STXBP4: variants seen among roughly 807,000 people sequenced by gnomAD.
STXBP4 encodes syntaxin binding protein 4.
In STXBP4, 55 loss-of-function variants were observed where a neutral mutation model predicts 76.1. The observed-to-expected ratio is 0.72, with a 90% CI of 0.58 to 0.91. The LOEUF is 0.91. Ranked by LOEUF, STXBP4 falls within the 40% of genes least tolerant of loss-of-function variation. STXBP4 has a pLI of 0.00. For missense variants in STXBP4, 618 were observed against 636.9 expected, an observed-to-expected ratio of 0.97 and a Z score of 0.32; for synonymous variants, 201 against 220.2, an observed-to-expected ratio of 0.91 and a Z score of 0.77.
At chr17:55,081,017 A>G (rs1350616881) in intron 15 of STXBP4, 33 bp from the exon 16 acceptor site, 4 of 1,417,856 alleles carry the variant, frequency 2.8e-6, no homozygotes, top group African/African-American at 3.0e-5. Context: ...TTTATTGTGT[A>G]GTAAGTTCAA....
At chr17:54,974,984 A>G (rs2077450955) in intron 1 of STXBP4, among the ~76,000 whole-genome samples, 2 of 152,216 alleles carry the variant, frequency 1.3e-5, no homozygotes, top group Non-Finnish European at 1.5e-5. Context: ...TGCCATGGCG[A>G]TAGTAAACTG....
intron 11 of STXBP4, chr17:55,044,905 G>T (rs914502663): frequency 4.7e-5 from 7 of 150,512 alleles, no homozygotes; most frequent in African/African-American, 1.7e-4. Flanking sequence ...AGCTTTTCAG[G>T]TTAATATACA....
chr17:54,972,132 C>CT (rs2077409929), intron 1 of STXBP4, among the ~76,000 whole-genome samples: 1 of 152,186 alleles, frequency 6.6e-6, no homozygotes, highest in South Asian at 2.1e-4. Flanking sequence ...ACTTCTGTTT[C>CT]TTTAAGATTG....
chr17:55,054,874 C>T lies in STXBP4; in HGVS notation c.1011+7720C>T, dbSNP rs553238252. Among the ~76,000 whole-genome samples, 46 of 152,064 alleles carry T rather than the reference C, an allele frequency of 3.0e-4. 1 individual carries two copies. Among genetic ancestry groups the T allele is most frequent in the Middle Eastern group, 6.8e-3 (2 of 294 alleles). The stretch of plus-strand genomic sequence containing the variant: ...GGGACTTTTCATAGATAAGGTGGCA[C>T]GTGAGCTGACCCAGACACAGAAAGG... On this transcript the variant is annotated intron_variant, in intron 12 of 17. Coordinates refer to ENST00000376352, the MANE Select transcript of STXBP4 (RefSeq NM_178509.6).
chr17:55,147,735 G>C (rs2080173243), intron 17 of STXBP4, among the ~76,000 whole-genome samples: 1 of 152,150 alleles, frequency 6.6e-6, no homozygotes, highest in South Asian at 2.1e-4. Context: ...TAAAACAAAA[G>C]TTTCTGTGTA....
intron 16 of STXBP4, among the ~76,000 whole-genome samples, chr17:55,110,271 T>C (rs1009654876): frequency 6.6e-6 from 1 of 152,228 alleles, no homozygotes; most frequent in African/African-American, 2.4e-5. Flanking sequence ...TATTCTTAAG[T>C]CAACTGACTA....
At chr17:55,128,223 T>C (rs1385853959) in intron 16 of STXBP4, among the ~76,000 whole-genome samples, 1 of 152,172 alleles carries the variant, frequency 6.6e-6, no homozygotes, top group African/African-American at 2.4e-5. Context: ...TGAATCTGGG[T>C]CCCATTATAC....
At position 55,034,138 on chromosome 17, in the gene STXBP4, A is replaced by G. The variant is rs781608773; in HGVS notation, c.764-30A>G. 1.3e-5 allele frequency: 21 copies of G among 1,561,602 alleles called. 1 individual carries two copies. The East Asian group carries it at 4.3e-4, about 32-fold the overall frequency. On this transcript the variant is annotated intron_variant, in intron 9 of 17. Transcript: ENST00000376352. Reference sequence around the variant, plus strand: ...TAAGATTTAGAAGGGGTTAAATGCCATGTTCTTACTTAAATGTGTTCCATT... The same window carrying G: ...TAAGATTTAGAAGGGGTTAAATGCCGTGTTCTTACTTAAATGTGTTCCATT...
chr17:55,149,393 T>A (rs1331454347), intron 17 of STXBP4, among the ~76,000 whole-genome samples: 1 of 152,236 alleles, frequency 6.6e-6, no homozygotes, highest in Non-Finnish European at 1.5e-5. Flanking sequence ...CAACCACTTT[T>A]AAGTGTGACC....
At chr17:55,090,143 G>A (rs1051016507) in intron 16 of STXBP4, among the ~76,000 whole-genome samples, 1 of 151,950 alleles carries the variant, frequency 6.6e-6, no homozygotes, top group African/African-American at 2.4e-5. Flanking sequence ...AAGACAGGCT[G>A]GGGGTAGGGG....
At chr17:55,118,485 A>G (rs1449947570) in intron 16 of STXBP4, among the ~76,000 whole-genome samples, 8 of 152,020 alleles carry the variant, frequency 5.3e-5, no homozygotes, top group Non-Finnish European at 1.2e-4. Context: ...AAAATTAAGT[A>G]TAAGTTGCCT....
At chr17:55,059,226 C>G (rs2078967604) in intron 12 of STXBP4, among the ~76,000 whole-genome samples, 1 of 152,020 alleles carries the variant, frequency 6.6e-6, no homozygotes, top group Admixed American at 6.6e-5. Context: ...CATTGTAACT[C>G]AGGCTGATTG....
intron 16 of STXBP4, among the ~76,000 whole-genome samples, chr17:55,100,937 G>A (rs998675629): frequency 1.8e-4 from 27 of 152,138 alleles, no homozygotes; most frequent in Admixed American, 2.0e-4. Flanking sequence ...ACAGTCTCCG[G>A]ATGAATCCTT....
chr17:54,997,858 G>A (rs2144473025), intron 4 of STXBP4, among the ~76,000 whole-genome samples: 1 of 150,722 alleles, frequency 6.6e-6, no homozygotes. Context: ...AAAGTGTTGG[G>A]TGTACAGATG....
intron 7 of STXBP4, among the ~76,000 whole-genome samples, chr17:55,001,447 A>G (rs1037763142): frequency 6.6e-6 from 1 of 152,178 alleles, no homozygotes; most frequent in Non-Finnish European, 1.5e-5. Flanking sequence ...AAAGATTTTT[A>G]TGTGGCTATA....
At chr17:55,142,162 A>G (rs2080101127) in intron 17 of STXBP4, among the ~76,000 whole-genome samples, 1 of 152,192 alleles carries the variant, frequency 6.6e-6, no homozygotes, top group Non-Finnish European at 1.5e-5. Context: ...TAAAGCCTGA[A>G]CAGGAATACA....
intron 3 of STXBP4, among the ~76,000 whole-genome samples, chr17:54,990,598 A>G (rs1194614611): frequency 6.6e-6 from 1 of 152,138 alleles, no homozygotes; most frequent in African/African-American, 2.4e-5. Context: ...AAAGTGCACA[A>G]GAAATGTAGT....
intron 16 of STXBP4, among the ~76,000 whole-genome samples, chr17:55,091,798 T>C (rs1372654604): frequency 1.3e-5 from 2 of 152,164 alleles, no homozygotes; most frequent in East Asian, 3.9e-4. Flanking sequence ...ACCTTTACTT[T>C]CTGATGGTTC....
intron 17 of STXBP4, among the ~76,000 whole-genome samples, chr17:55,148,900 A>G (rs1436945984): frequency 2.0e-5 from 3 of 152,196 alleles, no homozygotes; most frequent in East Asian, 3.8e-4. Flanking sequence ...GGGGGCTTTG[A>G]TTCATTTTCT....
Sources: gnomAD v4.1 joint callset for allele counts (sites outside exome capture counted in the v4.1 genomes callset) on GRCh38, gnomAD v4.1.1 for gene constraint, MANE v1.5 for transcripts, NCBI Gene and HGNC (gene_info 2026-07-23, HGNC 2026-07-21) for gene names.